ARFGEF1: variants seen among roughly 807,000 people sequenced by gnomAD.
ARFGEF1 encodes ARF guanine nucleotide exchange factor 1, also known as brefeldin A-inhibited guanine nucleotide-exchange protein 1.
A neutral mutation model predicts 231.0 loss-of-function variants in ARFGEF1; 42 were observed. The observed-to-expected ratio is 0.18, with a 90% CI of 0.14 to 0.24. ARFGEF1 has a LOEUF of 0.24. Among genes scored for constraint, ARFGEF1 ranks in the 10% least tolerant of loss-of-function variants. The pLI is 1.00. For missense variants in ARFGEF1, 1,345 were observed against 2,192.0 expected (o/e 0.61, Z 7.72); for synonymous variants, 710 against 732.3 (o/e 0.97, Z 0.49).
chr8:67,238,214 TGC>T, intron 22 of ARFGEF1, 127 bp downstream of exon 22: 1 of 961,154 alleles, frequency 1.0e-6, no homozygotes. Flanking sequence ...TTAGTCATCT[TGC>T]TTTTTCTCAT....
rs545032398 is a variant in ARFGEF1 at position 67,210,170 on chromosome 8, A to G, written c.4819+1313T>C. On this transcript the variant is annotated intron_variant, in intron 34 of 38. Coordinates refer to ENST00000262215, the MANE Select transcript of ARFGEF1 (RefSeq NM_006421.5). ...ACTCCGTCTCAAAAAAAAAAAAAAAAAAAAGAAAAACAATAGGGTGCTCCT... is the reference window on the plus strand; with the variant it reads ...ACTCCGTCTCAAAAAAAAAAAAAAAGAAAAGAAAAACAATAGGGTGCTCCT... Among the ~76,000 whole-genome samples the G allele has an allele frequency of 1.0e-4, 15 of 148,604 alleles. 1 individual carries two copies. The highest frequency in any genetic ancestry group is 3.2e-4 in the African/African-American group (13 of 40,324).
chr8:67,230,694 GT>G (rs1271224839), intron 23 of ARFGEF1, among the ~76,000 whole-genome samples: 1 of 151,906 alleles, frequency 6.6e-6, no homozygotes, highest in Non-Finnish European at 1.5e-5. Context: ...CTAAATAATT[GT>G]TTTTTAGCTA....
intron 14 of ARFGEF1, among the ~76,000 whole-genome samples, chr8:67,264,450 A>G (rs1260722546): frequency 6.6e-6 from 1 of 152,120 alleles, no homozygotes; most frequent in Non-Finnish European, 1.5e-5. Flanking sequence ...ACTACCATAA[A>G]TAAGAAATAC....
At chr8:67,292,558 G>A (rs2128910030) in intron 5 of ARFGEF1, among the ~76,000 whole-genome samples, 1 of 152,184 alleles carries the variant, frequency 6.6e-6, no homozygotes, top group Non-Finnish European at 1.5e-5. Flanking sequence ...ATGTTCTTAT[G>A]TCACCTTGTC....
chr8:67,282,516 T>C (rs138669784), intron 7 of ARFGEF1, among the ~76,000 whole-genome samples: 2 of 152,038 alleles, frequency 1.3e-5, no homozygotes, highest in Non-Finnish European at 2.9e-5. Flanking sequence ...AAAAAGATAA[T>C]CTTAAAAATT....
chr8:67,243,630 C>T (rs1459911765), intron 19 of ARFGEF1, among the ~76,000 whole-genome samples: 1 of 152,178 alleles, frequency 6.6e-6, no homozygotes, highest in African/African-American at 2.4e-5. Context: ...AGAAAGCCTT[C>T]CCAAGAAGGA....
At chr8:67,237,116 A>C (rs1295637966) in intron 22 of ARFGEF1, among the ~76,000 whole-genome samples, 1 of 152,198 alleles carries the variant, frequency 6.6e-6, no homozygotes, top group African/African-American at 2.4e-5. Context: ...TGAGCCAATC[A>C]GTGCACATTC....
chr8:67,271,660 G>T, intron 10 of ARFGEF1, 42 bp downstream of exon 10: 1 of 1,357,088 alleles, frequency 7.4e-7, no homozygotes, highest in South Asian at 1.3e-5. Context: ...TGAAACAAAT[G>T]AAATATCCAA....
intron 34 of ARFGEF1, among the ~76,000 whole-genome samples, chr8:67,206,880 A>G (rs1477632769): frequency 6.6e-6 from 1 of 152,326 alleles, no homozygotes; most frequent in Middle Eastern, 3.4e-3. Flanking sequence ...ACTATGAAAA[A>G]CATTTTACTA....
intron 33 of ARFGEF1, among the ~76,000 whole-genome samples, chr8:67,215,183 G>A (rs1838883956): frequency 6.6e-6 from 1 of 152,130 alleles, no homozygotes; most frequent in African/African-American, 2.4e-5. Flanking sequence ...CCAGAATAGA[G>A]CATACTCAAG....
chr8:67,219,419 G>A lies in ARFGEF1; in HGVS notation c.4338+12C>T. 1 of 1,603,656 alleles carries A rather than the reference G, an allele frequency of 6.2e-7. No individual in the cohort carries two copies. Among genetic ancestry groups the A allele is most frequent in the Non-Finnish European group, 8.5e-7 (1 of 1,176,606 alleles). On this transcript the variant is annotated intron_variant, in intron 30 of 38. Transcript: ENST00000262215. ...CTTGACTAAGCTAAATGAAAATTGT[G>A]TATCCTCTTACCTCTGTCTGTTGTT...
At chr8:67,230,223 T>G (rs1839511088) in intron 23 of ARFGEF1, among the ~76,000 whole-genome samples, 1 of 152,100 alleles carries the variant, frequency 6.6e-6, no homozygotes. Context: ...CAGAGCTGTG[T>G]TTCATAAAAT....
chr8:67,207,422 T>C (rs1838561933), intron 34 of ARFGEF1, among the ~76,000 whole-genome samples: 2 of 152,200 alleles, frequency 1.3e-5, no homozygotes, highest in East Asian at 1.9e-4. Flanking sequence ...AGCCTCTTCA[T>C]AGTTTCTCGT....
Position 67,204,750 on chromosome 8 carries a change from G to C in ARFGEF1, c.4889C>G (p.Thr1630Ser), listed in dbSNP as rs1838451834. ...TGGGAAGAAGACAATGTTGTCGATA[G>C]TCTGGATGAGTTCCAGCTGCACAAC... is the stretch of plus-strand genomic sequence containing the variant. The part of the protein sequence containing the change: ...KCVVQLELIQ[T>S]IDNIVFFPAT... The change falls in exon 35 of 39, where the codon ACT becomes AGT. Residue 1630 changes from threonine to serine, a missense_variant. This residue lies in a region of ARFGEF1 where 161 missense variants were observed against 284.9 expected (regional missense o/e 0.57). Transcript: ENST00000262215. The C allele has an allele frequency of 1.2e-6, 2 of 1,613,842 alleles. No individual in the cohort carries two copies. The highest frequency in any genetic ancestry group is 1.7e-6 in the Non-Finnish European group (2 of 1,179,970).
rs368780304 is a variant in ARFGEF1, at chr8:67,211,587, A to G, written c.4715T>C (p.Ile1572Thr). Residue 1572 changes from isoleucine to threonine, a missense_variant, in exon 34 of 39, where the codon ATT (isoleucine) becomes ACT (threonine). Around this residue, in one of 14 missense-constraint regions of ARFGEF1, gnomAD observed 89 missense variants for 74.8 expected, o/e 1.19. Transcript: ENST00000262215. ...LDTISQKSVD[I>T]HDSIQPRSVD... ...AGACCTTGGTTGAATAGAATCATGA[A>G]TATCTACAGACTTCTGTGATATTGT... is the stretch of plus-strand genomic sequence containing the variant. 4 of 1,540,662 alleles carry G rather than the reference A, an allele frequency of 2.6e-6. No individual in the cohort carries two copies. The highest frequency in any genetic ancestry group is 2.6e-6 in the Non-Finnish European group (3 of 1,137,142).
At chr8:67,247,030 T>C (rs895746765) in intron 19 of ARFGEF1, among the ~76,000 whole-genome samples, 4 of 150,086 alleles carry the variant, frequency 2.7e-5, no homozygotes, top group East Asian at 3.9e-4. Flanking sequence ...ATAGAATCTA[T>C]GAAGATTGAA....
chr8:67,254,410 T>A (rs1840390623), intron 17 of ARFGEF1, among the ~76,000 whole-genome samples: 1 of 152,202 alleles, frequency 6.6e-6, no homozygotes, highest in South Asian at 2.1e-4. Flanking sequence ...TGAAGAGGTA[T>A]TTATTTAATT....
chr8:67,244,876 T>TATA (rs1840058020), intron 19 of ARFGEF1, among the ~76,000 whole-genome samples: 1 of 150,182 alleles, frequency 6.7e-6, no homozygotes, highest in Admixed American at 6.6e-5. Context: ...TACAAGAAGG[T>TATA]TATAGAACAT....
intron 1 of ARFGEF1, among the ~76,000 whole-genome samples, chr8:67,331,206 T>C (rs1356436610): frequency 6.6e-6 from 1 of 152,194 alleles, no homozygotes; most frequent in Non-Finnish European, 1.5e-5. Flanking sequence ...AAAACACCCA[T>C]CGATTCAGAG....
Sources: gnomAD v4.1 joint callset for allele counts (sites outside exome capture counted in the v4.1 genomes callset) on GRCh38, gnomAD v4.1.1 for gene constraint, gnomAD v4.1.1 regional missense constraint, MANE v1.5 for transcripts, NCBI Gene and HGNC (gene_info 2026-07-23, HGNC 2026-07-21) for gene names.